BTBD8: variants seen among roughly 807,000 people sequenced by gnomAD.
BTBD8 encodes the protein BTB domain containing 8.
In BTBD8, 110 loss-of-function variants were observed where a neutral mutation model predicts 162.9. The ratio of observed to expected loss-of-function variants is 0.68; its 90% CI spans 0.58 to 0.79. The LOEUF (loss-of-function observed/expected upper bound fraction) is 0.79, where lower values mean the gene tolerates loss of function less well. BTBD8 is among the 30% of genes least tolerant of loss of function. The pLI is 0.00. For missense variants in BTBD8, 1,905 were observed against 2,085.4 expected (o/e 0.91, Z 1.68); for synonymous variants, 667 against 716.1 (o/e 0.93, Z 1.10).
chr1:92,151,990 AC>A (rs1302823628), intron 9 of BTBD8, among the ~76,000 whole-genome samples: 1 of 152,166 alleles, frequency 6.6e-6, no homozygotes, highest in African/African-American at 2.4e-5. Flanking sequence ...TCCACAAAAT[AC>A]TTTTTTTGTG....
intron 9 of BTBD8, among the ~76,000 whole-genome samples, chr1:92,161,147 C>G (rs968638366): frequency 6.6e-6 from 1 of 152,186 alleles, no homozygotes; most frequent in Non-Finnish European, 1.5e-5. Flanking sequence ...AGCCTCTCAA[C>G]TAGTTTCTCA....
intron 4 of BTBD8, among the ~76,000 whole-genome samples, chr1:92,124,888 G>A (rs1208736079): frequency 6.6e-6 from 1 of 151,922 alleles, no homozygotes. Context: ...TAGAACTCCG[G>A]ACCTTTAGAA....
intron 4 of BTBD8, among the ~76,000 whole-genome samples, chr1:92,110,869 T>G (rs1295731001): frequency 6.6e-6 from 1 of 152,068 alleles, no homozygotes; most frequent in Admixed American, 6.6e-5. Context: ...TTAATGTAAT[T>G]TATTATTTTA....
At chr1:92,123,086 C>G (rs937729645) in intron 4 of BTBD8, among the ~76,000 whole-genome samples, 9 of 152,098 alleles carry the variant, frequency 5.9e-5, no homozygotes, top group African/African-American at 2.2e-4. Flanking sequence ...GTTCCAGTAC[C>G]TTTTGATGAT....
intron 4 of BTBD8, among the ~76,000 whole-genome samples, chr1:92,111,084 C>T (rs886665712): frequency 2.0e-5 from 3 of 151,824 alleles, no homozygotes; most frequent in African/African-American, 4.8e-5. Flanking sequence ...CTCTGCCCCC[C>T]GGGTTCAAGG....
intron 4 of BTBD8, 108 bp from the exon 5 acceptor site, chr1:92,129,578 CA>C (rs1355414972): frequency 4.8e-6 from 4 of 841,828 alleles, no homozygotes; most frequent in Non-Finnish European, 7.8e-6. Flanking sequence ...ACAAACAAAA[CA>C]AATAGATTAT....
rs1314508391 is a variant in BTBD8, at chr1:92,183,873, A to G, written c.4922A>G (p.Asp1641Gly). 10 of 1,547,692 alleles carry G rather than the reference A, an allele frequency of 6.5e-6. No homozygotes were observed. In the East Asian group the frequency reaches 1.5e-4, roughly 23 times the overall value. Residue 1641 changes from aspartate to glycine, a missense_variant, in exon 18 of 18, where the codon GAT (aspartate) becomes GGT (glycine). Physicochemically the swap from Asp to Gly is moderately conservative, Grantham distance 94. This residue lies in a region of BTBD8 where 517 missense variants were observed against 606.6 expected (regional missense o/e 0.85). Transcript: ENST00000636805. ...TTATGAATTATTTCAGGAGACATAG[A>G]TGATTGTGACACACTGGCACAAACC... Reference protein sequence around the residue: ...ANIALSAGDIDDCDTLAQTRM... With the variant: ...ANIALSAGDIGDCDTLAQTRM...
Position 92,168,874 on chromosome 1 carries a change from G to A in BTBD8, c.1452G>A (p.Thr484=), listed in dbSNP as rs1306864273. 10 of 1,520,268 alleles carry A rather than the reference G, an allele frequency of 6.6e-6. No homozygotes were observed. In the East Asian group the frequency reaches 7.4e-5, roughly 11 times the overall value. The allele number at this position is 1,520,268 out of a possible 1,614,324, so 94.2% of individuals were successfully genotyped here. ...TTGTTGCTTGAACACAGGGTTTTACGTGCAAGATCCAGGCTCTGCGTGATA... is the reference window on the plus strand; with the variant it reads ...TTGTTGCTTGAACACAGGGTTTTACATGCAAGATCCAGGCTCTGCGTGATA... ...NSDSTKEMGF[T]CKIQALRDKL... Residue 484 remains threonine, a synonymous_variant, in exon 12 of 18, where the codon ACG becomes ACA. Coordinates refer to ENST00000636805, the MANE Select transcript of BTBD8 (RefSeq NM_001376131.1).
At chr1:92,164,039 T>A (rs1269394703) in intron 9 of BTBD8, among the ~76,000 whole-genome samples, 1 of 152,180 alleles carries the variant, frequency 6.6e-6, no homozygotes, top group Non-Finnish European at 1.5e-5. Flanking sequence ...GTAGAACAAA[T>A]TGAGCTTATT....
chr1:92,146,200 T>C (rs1029893479), intron 7 of BTBD8, among the ~76,000 whole-genome samples: 2 of 92,514 alleles, frequency 2.2e-5, no homozygotes, highest in African/African-American at 1.2e-4. Flanking sequence ...AAAAATCGTG[T>C]GCATTCTTGA....
chr1:92,099,413 A>G (rs1557439417), intron 2 of BTBD8, among the ~76,000 whole-genome samples: 2 of 149,784 alleles, frequency 1.3e-5, no homozygotes, highest in African/African-American at 5.0e-5. Flanking sequence ...TGGCTTGTCA[A>G]TTTCTGCAAA....
intron 17 of BTBD8, among the ~76,000 whole-genome samples, chr1:92,183,513 A>T (rs2100696868): frequency 1.3e-5 from 2 of 151,316 alleles, no homozygotes; most frequent in South Asian, 2.1e-4. Context: ...CATCATCAAA[A>T]CACTATGTCT....
chr1:92,180,865 A>G lies in BTBD8; in HGVS notation c.3182A>G (p.Glu1061Gly). 2 of 1,551,670 alleles carry G rather than the reference A, an allele frequency of 1.3e-6. No individual in the cohort carries two copies. The highest frequency in any genetic ancestry group is 8.7e-7 in the Non-Finnish European group (1 of 1,146,984). The change falls in exon 17 of 18, where the codon GAA (glutamate) becomes GGA (glycine). Residue 1061 changes from glutamate to glycine, a missense_variant. Transcript: ENST00000636805. ...KSETKFPNHK[E>G]TDDCDAANIC... ...GAAACAAAATTTCCCAATCACAAAG[A>G]AACAGATGATTGCGATGCAGCTAAC...
At chr1:92,092,571 A>G (rs1648339921) in intron 2 of BTBD8, among the ~76,000 whole-genome samples, 1 of 151,980 alleles carries the variant, frequency 6.6e-6, no homozygotes, top group African/African-American at 2.4e-5. Flanking sequence ...TGAGAAATAC[A>G]TTTCTGTTGT....
intron 4 of BTBD8, chr1:92,125,486 G>T: frequency 3.1e-6 from 1 of 321,040 alleles, no homozygotes; most frequent in South Asian, 3.1e-5. Context: ...GAAGGAGGAG[G>T]CAAAACAAAT....
At position 92,183,958 on chromosome 1, in the gene BTBD8, AG is replaced by A; in HGVS notation, c.5008del (p.Glu1670LysfsTer32). ...CTCCAATATATGAGATGGATGTAAT[AG>A]AAGCATTTGAGCAGAAAGTGGAATC... The part of the protein sequence containing the change: ...LSPIYEMDVI[E>X]AFEQKVESET... On this transcript the variant is annotated frameshift_variant, in exon 18 of 18. Coordinates refer to ENST00000636805, the MANE Select transcript of BTBD8 (RefSeq NM_001376131.1). LOFTEE classifies it high-confidence loss of function. 1 of 1,551,662 alleles carries A rather than the reference AG, an allele frequency of 6.4e-7. No individual in the cohort carries two copies. The highest frequency in any genetic ancestry group is 8.7e-7 in the Non-Finnish European group (1 of 1,146,884).
chr1:92,153,986 GT>G (rs1557458546), intron 9 of BTBD8, among the ~76,000 whole-genome samples: 1 of 152,164 alleles, frequency 6.6e-6, no homozygotes, highest in Non-Finnish European at 1.5e-5. Flanking sequence ...CTTATGAATG[GT>G]TTGGTGCCAT....
chr1:92,101,061 T>C (rs1218609593), intron 2 of BTBD8, among the ~76,000 whole-genome samples: 1 of 152,136 alleles, frequency 6.6e-6, no homozygotes, highest in Non-Finnish European at 1.5e-5. Context: ...TTGTAGTCTT[T>C]TATCCCTCAT....
intron 4 of BTBD8, among the ~76,000 whole-genome samples, chr1:92,121,795 T>C (rs1649218836): frequency 1.3e-5 from 2 of 152,030 alleles, no homozygotes; most frequent in African/African-American, 2.4e-5. Context: ...TCTGTATACC[T>C]CTTTGGTTAG....
Sources: allele counts gnomAD v4.1 joint callset (sites outside exome capture counted in the v4.1 genomes callset), GRCh38; gene constraint gnomAD v4.1.1; regional missense constraint gnomAD v4.1.1; transcripts MANE v1.5; gene names NCBI Gene and HGNC (gene_info 2026-07-23, HGNC 2026-07-21).